The following MED19 variants were observed in gnomAD, a reference collection of about 807,000 sequenced individuals.
The protein encoded by MED19 is mediator of RNA polymerase II transcription subunit 19.
MED19 carries 4 observed loss-of-function variants against 19.9 expected under a neutral mutation model. The observed-to-expected ratio is 0.20, with a 90% confidence interval of 0.10 to 0.46. The LOEUF is 0.46. MED19 is among the 20% of genes least tolerant of loss of function. MED19 has a pLI of 0.99. For synonymous variants in MED19, 139 were observed against 119.6 expected, an observed-to-expected ratio of 1.16 and a Z score of -1.06; for missense variants, 303 against 318.7, an observed-to-expected ratio of 0.95 and a Z score of 0.38.
At chr11:57,705,183 G>C in exon 2 of MED19, 4 of 1,614,212 alleles carry the variant, frequency 2.5e-6, no homozygotes, top group Non-Finnish European at 3.4e-6. Flanking sequence ...CTTGTTCCAA[G>C]TTGTAGTGTG....
chr11:57,705,010 C>T, exon 2 of MED19: 1 of 1,614,066 alleles, frequency 6.2e-7, no homozygotes, highest in Non-Finnish European at 8.5e-7. Context: ...CAGCATGGTC[C>T]CTGTGATAGG....
At position 57,704,267 on chromosome 11, in the gene MED19, ACT is replaced by A. The variant is rs1166567679; in HGVS notation, c.666+33_666+34del. 4.6e-6 allele frequency: 7 copies of A among 1,529,882 alleles called. No individual in the cohort carries two copies. The South Asian group carries it at 8.4e-5, about 18-fold the overall frequency. The allele number at this position is 1,529,882 out of a possible 1,614,324, so 94.8% of individuals were successfully genotyped here. On this transcript the variant is annotated intron_variant, in intron 4 of 4. Transcript: ENST00000431606. ...TAGGACAGGGGTGAGATCTGGGGAA[ACT>A]CACTGGGTTGTGGCAATAGGCCTCT...
intron 1 of MED19, among the ~76,000 whole-genome samples, chr11:57,711,364 T>G (rs1946595111): frequency 6.6e-6 from 1 of 152,092 alleles, no homozygotes; most frequent in South Asian, 2.1e-4. Flanking sequence ...ACCCTGGATT[T>G]TGTTTGTTTT....
intron 1 of MED19, among the ~76,000 whole-genome samples, chr11:57,706,538 A>G (rs982281517): frequency 8.5e-5 from 13 of 152,100 alleles, no homozygotes; most frequent in African/African-American, 2.9e-4. Flanking sequence ...CAGGAGGCCA[A>G]GGCGGGCAGC....
exon 3 of MED19, chr11:57,704,761 G>C: frequency 6.3e-7 from 1 of 1,588,214 alleles, no homozygotes; most frequent in East Asian, 2.3e-5. Context: ...TTGTGCTTGT[G>C]CTTATTCTTC....
chr11:57,707,108 G>A (rs1369436028), intron 1 of MED19, among the ~76,000 whole-genome samples: 2 of 150,312 alleles, frequency 1.3e-5, no homozygotes, highest in African/African-American at 2.4e-5. Flanking sequence ...TGAGGCAGAA[G>A]AACTGCTTGA....
chr11:57,711,667 TAG>T (rs1200396716), intron 1 of MED19, among the ~76,000 whole-genome samples: 1 of 152,158 alleles, frequency 6.6e-6, no homozygotes, highest in Non-Finnish European at 1.5e-5. Flanking sequence ...GGTCATTTTT[TAG>T]AGAGACATAA....
exon 5 of MED19, chr11:57,703,862 A>C (rs889806358): frequency 5.2e-6 from 5 of 964,738 alleles, no homozygotes; most frequent in Non-Finnish European, 7.1e-6. Context: ...GAGCCTACAA[A>C]AGCATGTCCC....
At chr11:57,710,167 G>A (rs1946548658) in intron 1 of MED19, among the ~76,000 whole-genome samples, 1 of 152,182 alleles carries the variant, frequency 6.6e-6, no homozygotes, top group South Asian at 2.1e-4. Context: ...TTCAAGACCA[G>A]CTTGCGCAAC....
In MED19 at chr11:57,704,699, T is replaced by TTTTTTA; in HGVS notation, c.571+19_571+20insTAAAAA. The TTTTTTA allele has an allele frequency of 6.3e-7, 1 of 1,575,442 alleles. No homozygotes were observed. On this transcript the variant is annotated intron_variant, in intron 3 of 4. Transcript: ENST00000431606. Reference sequence around the variant, plus strand: ...TTTTTTTTTTTTTTTTTTTTTGCTTTGAATAGAACTGCTTCTTACCTGGGG... The same window carrying TTTTTTA: ...TTTTTTTTTTTTTTTTTTTTTGCTTTTTTTTAGAATAGAACTGCTTCTTACCTGGGG...
intron 1 of MED19, among the ~76,000 whole-genome samples, chr11:57,706,386 C>T (rs1325583123): frequency 6.6e-6 from 1 of 152,024 alleles, no homozygotes; most frequent in South Asian, 2.1e-4. Context: ...TCAAGTGATC[C>T]GCCACCCCCC....
At chr11:57,711,355 C>A (rs1946594422) in intron 1 of MED19, among the ~76,000 whole-genome samples, 1 of 152,130 alleles carries the variant, frequency 6.6e-6, no homozygotes, top group Non-Finnish European at 1.5e-5. Flanking sequence ...CAAACTCAAA[C>A]CCTGGATTTT....
At chr11:57,711,580 C>A (rs191206719) in intron 1 of MED19, among the ~76,000 whole-genome samples, 67 of 152,254 alleles carry the variant, frequency 4.4e-4, no homozygotes, top group Middle Eastern at 3.4e-3. Flanking sequence ...TCTCGAACTC[C>A]TGACCTTAGG....
exon 5 of MED19, chr11:57,703,976 C>T: frequency 6.5e-7 from 1 of 1,528,552 alleles, no homozygotes; most frequent in Non-Finnish European, 8.7e-7. Flanking sequence ...TGGAAGGCAG[C>T]TTTTATCAGC....
chr11:57,707,517 A>G (rs763941565), intron 1 of MED19, among the ~76,000 whole-genome samples: 5 of 152,204 alleles, frequency 3.3e-5, no homozygotes, highest in Non-Finnish European at 7.3e-5. Flanking sequence ...GTGCTTAATA[A>G]ATATTTATTA....
chr11:57,709,373 C>T (rs1249459186), intron 1 of MED19, among the ~76,000 whole-genome samples: 3 of 147,644 alleles, frequency 2.0e-5, no homozygotes, highest in Admixed American at 6.7e-5. Flanking sequence ...AAGAGCAAAA[C>T]TCTGTTTAAA....
chr11:57,705,374 G>A (rs772817575), intron 1 of MED19, 145 bp from the exon 2 acceptor site: 71 of 962,616 alleles, frequency 7.4e-5, no homozygotes, highest in Middle Eastern at 3.3e-4. Flanking sequence ...AGAGCAGGCC[G>A]GATGCAGTGG....
chr11:57,704,846 T>C (rs1366664657), intron 2 of MED19, 31 bp from the exon 3 acceptor site: 4 of 1,611,398 alleles, frequency 2.5e-6, no homozygotes, highest in East Asian at 2.2e-5. Context: ...TCCAGGTGAG[T>C]AGAGGGAGGA....
intron 4 of MED19, 57 bp from the exon 5 acceptor site, chr11:57,704,163 G>A: frequency 6.5e-7 from 1 of 1,534,868 alleles, no homozygotes; most frequent in Non-Finnish European, 8.7e-7. Flanking sequence ...GCTTTGATCA[G>A]GCTGTACAGG....
Sources: allele counts gnomAD v4.1 joint callset (sites outside exome capture counted in the v4.1 genomes callset), GRCh38; gene constraint gnomAD v4.1.1; transcripts MANE v1.5; gene names NCBI Gene and HGNC (gene_info 2026-07-23, HGNC 2026-07-21).